The following TNS1 variants were observed in gnomAD, a reference collection of about 807,000 sequenced individuals.
TNS1 encodes tensin 1.
Under a neutral mutation model 168.6 loss-of-function variants are expected in TNS1, and 62 were observed. That is an observed-to-expected ratio of 0.37 (90% CI 0.30 to 0.45). The LOEUF is 0.45. Among genes scored for constraint, TNS1 ranks in the 20% least tolerant of loss-of-function variants. TNS1 has a pLI of 1.00. For synonymous variants in TNS1, 934 were observed against 933.2 expected (o/e 1.00, Z -0.02); for missense variants, 2,240 against 2,339.4 (o/e 0.96, Z 0.88).
At chr2:217,937,202 C>A (rs72951918) in intron 3 of TNS1, 27,741 of 366,828 alleles carry the variant, frequency 0.076, 1,226 homozygotes, top group African/African-American at 0.13. Flanking sequence ...CTACTCCCCC[C>A]ACTAGATCGT....
rs542777862 is a variant in TNS1, at chr2:217,800,438, C to T, written c.*4021G>A. 1 of 152,382 alleles carries T rather than the reference C, an allele frequency of 6.6e-6. No individual in the cohort carries two copies. Among genetic ancestry groups the T allele is most frequent in the East Asian group, 1.9e-4 (1 of 5,174 alleles). The allele number at this position is 152,382 out of a possible 1,614,324, so 9.4% of individuals were successfully genotyped here. ...TTGGTTGGCCTACAGGCCTCACCTCCCGACTCCCCTCACTGCTGGGCGACA... is the reference window on the plus strand; with the variant it reads ...TTGGTTGGCCTACAGGCCTCACCTCTCGACTCCCCTCACTGCTGGGCGACA... On this transcript the variant is annotated 3_prime_UTR_variant, in exon 33 of 33. Coordinates refer to ENST00000682258, the MANE Select transcript of TNS1 (RefSeq NM_001387777.1).
intron 22 of TNS1, chr2:217,829,924 G>C: frequency 6.2e-7 from 1 of 1,610,648 alleles, no homozygotes; most frequent in Non-Finnish European, 8.5e-7. Context: ...AGGAGAGGCA[G>C]GAAAGAAGGG....
chr2:217,996,612 C>A (rs1026261303), intron 1 of TNS1, among the ~76,000 whole-genome samples: 5 of 152,078 alleles, frequency 3.3e-5, no homozygotes, highest in African/African-American at 1.2e-4. Context: ...CCACCCCCAA[C>A]TAACCAGTTG....
chr2:217,988,699 G>A (rs560671475), intron 2 of TNS1, among the ~76,000 whole-genome samples: 1 of 152,172 alleles, frequency 6.6e-6, no homozygotes, highest in Non-Finnish European at 1.5e-5. Flanking sequence ...TGGGAGGAGG[G>A]TGACACCGCG....
chr2:217,845,343 C>T (rs373782395), intron 19 of TNS1, among the ~76,000 whole-genome samples: 23 of 152,322 alleles, frequency 1.5e-4, no homozygotes, highest in Non-Finnish European at 8.8e-5. Context: ...AGAAGTAGTG[C>T]TGAAATCTAT....
At chr2:217,976,769 A>C (rs976820955) in intron 3 of TNS1, among the ~76,000 whole-genome samples, 2 of 152,260 alleles carry the variant, frequency 1.3e-5, no homozygotes, top group African/African-American at 4.8e-5. Flanking sequence ...TCCCCCAATC[A>C]GACCCTTCAC....
chr2:217,876,597 C>T (rs1370715148), intron 18 of TNS1, among the ~76,000 whole-genome samples: 1 of 152,114 alleles, frequency 6.6e-6, no homozygotes, highest in African/African-American at 2.4e-5. Context: ...CTGAACTGTT[C>T]CCCCATTCAG....
chr2:218,029,201 T>C (rs1490095368), intron 1 of TNS1, among the ~76,000 whole-genome samples: 1 of 148,714 alleles, frequency 6.7e-6, no homozygotes, highest in Non-Finnish European at 1.5e-5. Flanking sequence ...TTCTTTCTCC[T>C]TTCCCTCCTG....
chr2:218,029,165 C>A (rs1958872226), intron 1 of TNS1, among the ~76,000 whole-genome samples: 2 of 152,238 alleles, frequency 1.3e-5, no homozygotes, highest in East Asian at 3.9e-4. Context: ...CCCCACCCAC[C>A]CCACTCCAAT....
At chr2:217,814,786 C>T in intron 25 of TNS1, 126 bp downstream of exon 25, 1 of 722,216 alleles carries the variant, frequency 1.4e-6, no homozygotes, top group East Asian at 2.7e-5. Flanking sequence ...GCTTCAACCC[C>T]AGCCCCCTCT....
At chr2:217,980,493 T>TCA (rs1411767400) in intron 2 of TNS1, among the ~76,000 whole-genome samples, 1 of 138,086 alleles carries the variant, frequency 7.2e-6, no homozygotes, top group Non-Finnish European at 1.5e-5. Context: ...TCTCTCTCTC[T>TCA]CCTACACACA....
At chr2:217,846,209 G>T (rs964652628) in intron 19 of TNS1, among the ~76,000 whole-genome samples, 19 of 152,172 alleles carry the variant, frequency 1.2e-4, no homozygotes, top group African/African-American at 4.3e-4. Context: ...TCTATGGGAG[G>T]TGAGGCTGAT....
chr2:217,940,433 T>C (rs1006995776), intron 3 of TNS1, among the ~76,000 whole-genome samples: 15 of 152,256 alleles, frequency 9.9e-5, no homozygotes, highest in African/African-American at 3.6e-4. Flanking sequence ...CCGAGAGCCT[T>C]TGCCTGTCCC....
intron 18 of TNS1, among the ~76,000 whole-genome samples, chr2:217,875,499 A>G (rs1330390149): frequency 6.6e-6 from 1 of 152,206 alleles, no homozygotes; most frequent in Non-Finnish European, 1.5e-5. Flanking sequence ...AAAAGGACCT[A>G]TGGAAAAAGA....
intron 1 of TNS1, among the ~76,000 whole-genome samples, chr2:217,999,320 C>A (rs975670915): frequency 1.1e-4 from 16 of 152,200 alleles, no homozygotes; most frequent in Non-Finnish European, 2.2e-4. Context: ...GTGAGAGACA[C>A]TTTTCTAAAT....
Position 217,813,205 on chromosome 2 carries a change from G to A in TNS1, c.4954+10C>T. The A allele has an allele frequency of 1.9e-6, 3 of 1,594,786 alleles. No individual in the cohort carries two copies. The highest frequency in any genetic ancestry group is 1.7e-6 in the Non-Finnish European group (2 of 1,168,328). ...CAGACTGTAGAGATGGGGGCAGGGGGACAGCTCACCGAAGTTTGGCTCATT... is the reference window on the plus strand; with the variant it reads ...CAGACTGTAGAGATGGGGGCAGGGGAACAGCTCACCGAAGTTTGGCTCATT... On this transcript the variant is annotated intron_variant, in intron 27 of 32. Coordinates refer to ENST00000682258, the MANE Select transcript of TNS1 (RefSeq NM_001387777.1). The surrounding 1 kb of genome is among the most constrained non-coding windows in gnomAD (Gnocchi z 4.0).
Position 218,001,365 on chromosome 2 carries a change from G to C in TNS1, c.33+1475C>G, listed in dbSNP as rs577582599. Among the ~76,000 whole-genome samples, 357 of 152,082 alleles carry C rather than the reference G, an allele frequency of 2.3e-3. 1 individual carries two copies. The highest frequency in any genetic ancestry group is 7.7e-3 in the African/African-American group (321 of 41,462). ...TCTCTGCAATCCTCATTTCACCAAC[G>C]GGAAAGCAGAGGCTCACCAGGATGA... On this transcript the variant is annotated intron_variant, in intron 1 of 32. Transcript: ENST00000682258.
chr2:217,829,285 T>C (rs1449697335), intron 22 of TNS1, among the ~76,000 whole-genome samples: 1 of 151,724 alleles, frequency 6.6e-6, no homozygotes, highest in African/African-American at 2.4e-5. Flanking sequence ...CTCAGGGGGC[T>C]GAGGCAGGAG....
At chr2:217,985,953 CTCTT>C (rs935072300) in intron 2 of TNS1, among the ~76,000 whole-genome samples, 3 of 152,208 alleles carry the variant, frequency 2.0e-5, no homozygotes, top group African/African-American at 7.2e-5. Context: ...TTGGATTCAT[CTCTT>C]TCTTACCCTC....
Sources: gnomAD v4.1 joint callset for allele counts (sites outside exome capture counted in the v4.1 genomes callset) on GRCh38, gnomAD v4.1.1 for gene constraint, Gnocchi (gnomAD v3.1) non-coding constraint, MANE v1.5 for transcripts, NCBI Gene and HGNC (gene_info 2026-07-23, HGNC 2026-07-21) for gene names.